Variants in MAST2 observed in about 807,000 individuals in gnomAD.
MAST2 encodes microtubule associated serine/threonine kinase 2.
Under a neutral mutation model 147.4 loss-of-function variants are expected in MAST2, and 70 were observed. The observed-to-expected ratio is 0.47, with a 90% CI of 0.39 to 0.58. The LOEUF (loss-of-function observed/expected upper bound fraction) is 0.58, where lower values mean the gene tolerates loss of function less well. Ranked by LOEUF, MAST2 falls within the 20% of genes least tolerant of loss-of-function variation. The pLI is 0.00. For synonymous variants in MAST2, 869 were observed against 896.8 expected (o/e 0.97, Z 0.55); for missense variants, 2,080 against 2,302.3 (o/e 0.90, Z 1.98).
intron 3 of MAST2, among the ~76,000 whole-genome samples, chr1:45,881,364 T>C (rs1470277729): frequency 6.6e-6 from 1 of 152,252 alleles, no homozygotes; most frequent in Non-Finnish European, 1.5e-5. Flanking sequence ...TGTTGGCTGA[T>C]GTCAACAGAG....
intron 4 of MAST2, among the ~76,000 whole-genome samples, chr1:45,937,860 G>T (rs776237328): frequency 6.6e-6 from 1 of 150,666 alleles, no homozygotes; most frequent in Non-Finnish European, 1.5e-5. Flanking sequence ...AATCTCTTCA[G>T]TGTAAGGGAT....
At chr1:45,911,277 A>G (rs1651610773) in intron 4 of MAST2, among the ~76,000 whole-genome samples, 1 of 152,198 alleles carries the variant, frequency 6.6e-6, no homozygotes, top group Non-Finnish European at 1.5e-5. Context: ...GGGATGTGTT[A>G]CCTGGAGGTA....
intron 4 of MAST2, among the ~76,000 whole-genome samples, chr1:45,911,018 G>T (rs4518839): frequency 0.8 from 121,153 of 152,106 alleles, 48,731 homozygotes; most frequent in East Asian, 0.98. Flanking sequence ...AATTTGTTTT[G>T]TGTGTGTGTG....
chr1:45,900,448 T>A (rs1258768581), intron 4 of MAST2, among the ~76,000 whole-genome samples: 1 of 11,014 alleles, frequency 9.1e-5, no homozygotes. Flanking sequence ...TGTTGGATAT[T>A]TTTTTTTTTT....
chr1:46,008,513 G>T, intron 9 of MAST2, 142 bp downstream of exon 9: 1 of 633,748 alleles, frequency 1.6e-6, no homozygotes, highest in Admixed American at 2.8e-5. Flanking sequence ...TCAGCCAGGA[G>T]GCTGTGGACA....
intron 4 of MAST2, among the ~76,000 whole-genome samples, chr1:45,885,925 ATG>A (rs1647059951): frequency 6.6e-6 from 1 of 152,062 alleles, no homozygotes; most frequent in Non-Finnish European, 1.5e-5. Flanking sequence ...AGAGAGGAGG[ATG>A]TGTGTTTCTG....
At chr1:46,024,149 G>A in intron 15 of MAST2, 169 bp downstream of exon 15, 2 of 647,706 alleles carry the variant, frequency 3.1e-6, no homozygotes, top group South Asian at 3.6e-5. Flanking sequence ...TGGCCACAGT[G>A]GGCACAAAGC....
chr1:45,967,653 A>G (rs529000520), intron 5 of MAST2, among the ~76,000 whole-genome samples: 3 of 152,294 alleles, frequency 2.0e-5, no homozygotes, highest in East Asian at 1.9e-4. Context: ...TAGTCTTGCT[A>G]TGTCAGGAGT....
chr1:45,975,727 T>C (rs1210299898), intron 5 of MAST2, among the ~76,000 whole-genome samples: 2 of 151,020 alleles, frequency 1.3e-5, no homozygotes, highest in Non-Finnish European at 3.0e-5. Context: ...CGTTTGTTAC[T>C]AGATTATAAA....
chr1:45,974,422 C>G (rs752594093), intron 5 of MAST2, among the ~76,000 whole-genome samples: 2 of 152,056 alleles, frequency 1.3e-5, no homozygotes, highest in Non-Finnish European at 2.9e-5. Flanking sequence ...ATGGTGAAAC[C>G]CCATCTCTAC....
chr1:45,934,342 C>T (rs563405398), intron 4 of MAST2, among the ~76,000 whole-genome samples: 8 of 152,206 alleles, frequency 5.3e-5, no homozygotes, highest in Admixed American at 2.0e-4. Context: ...AAAAATTAGC[C>T]GGGCTTGGTG....
chr1:45,992,783 G>A (rs1167117135), intron 5 of MAST2, among the ~76,000 whole-genome samples: 3 of 152,050 alleles, frequency 2.0e-5, no homozygotes, highest in Non-Finnish European at 2.9e-5. Context: ...GGTTGTTGAT[G>A]TGGTTTGTTT....
rs201487547 is a variant in MAST2, at chr1:45,882,374, G to A, written c.479G>A (p.Ser160Asn). 1.9e-6 allele frequency: 3 copies of A among 1,612,646 alleles called. No individual in the cohort carries two copies. The highest frequency in any genetic ancestry group is 2.5e-6 in the Non-Finnish European group (3 of 1,178,948). The change falls in exon 4 of 29, where the codon AGC (serine) becomes AAC (asparagine). Residue 160 changes from serine (S) to asparagine (N), a missense_variant. This residue lies in a region of MAST2 where 569 missense variants were observed against 642.5 expected (regional missense o/e 0.89). Transcript: ENST00000361297. ...TGTTTTGTTTTTCAGAAGGAGTTGA[G>A]CCTTCCAAGAAGAGGCAGCTTGTAA... is the stretch of plus-strand genomic sequence containing the variant. ...PSLTAGLKEL[S>N]LPRRGSFCRT... is the part of the protein sequence containing the mutation.
intron 4 of MAST2, among the ~76,000 whole-genome samples, chr1:45,941,277 T>G (rs1657221226): frequency 6.6e-6 from 1 of 152,186 alleles, no homozygotes; most frequent in African/African-American, 2.4e-5. Context: ...TTTTGTTTGT[T>G]TTGACAGAGT....
At chr1:46,030,529 C>T (rs994911880) in intron 21 of MAST2, 78 bp from the exon 22 acceptor site, 179 of 1,493,632 alleles carry the variant, frequency 1.2e-4, no homozygotes, top group Admixed American at 2.6e-4. Flanking sequence ...CCTAGGTTTC[C>T]GATGCCAAGG....
intron 5 of MAST2, among the ~76,000 whole-genome samples, chr1:45,981,125 GC>G (rs1335204173): frequency 6.6e-6 from 1 of 152,132 alleles, no homozygotes; most frequent in African/African-American, 2.4e-5. Context: ...AGGCTGGAGT[GC>G]AGTGACGCGA....
At chr1:46,021,860 A>G (rs1408334994) in intron 11 of MAST2, 90 bp from the exon 12 acceptor site, 7 of 1,255,730 alleles carry the variant, frequency 5.6e-6, no homozygotes, top group Middle Eastern at 1.9e-4. Flanking sequence ...AGTCTTGTTC[A>G]TCTCAGTCTA....
At chr1:45,960,935 A>G (rs1240778028) in intron 5 of MAST2, among the ~76,000 whole-genome samples, 1 of 152,222 alleles carries the variant, frequency 6.6e-6, no homozygotes, top group African/African-American at 2.4e-5. Context: ...CCTTGCTCAC[A>G]GTTTACTGTC....
intron 3 of MAST2, among the ~76,000 whole-genome samples, chr1:45,841,855 G>A (rs1156676533): frequency 6.6e-6 from 1 of 152,092 alleles, no homozygotes; most frequent in Non-Finnish European, 1.5e-5. Context: ...TGTAGGTCAT[G>A]GTAAATTATT....
Sources: gnomAD v4.1 joint callset for allele counts (sites outside exome capture counted in the v4.1 genomes callset) on GRCh38, gnomAD v4.1.1 for gene constraint, gnomAD v4.1.1 regional missense constraint, MANE v1.5 for transcripts, NCBI Gene and HGNC (gene_info 2026-07-23, HGNC 2026-07-21) for gene names.